Variants in PDS5A observed in about 807,000 individuals in gnomAD.
PDS5A encodes sister chromatid cohesion protein PDS5 homolog A.
In PDS5A, 42 loss-of-function variants were observed where a neutral mutation model predicts 167.1. That is an observed-to-expected ratio of 0.25 (90% CI 0.20 to 0.33). PDS5A has a LOEUF of 0.33. Ranked by LOEUF, PDS5A falls within the 10% of genes least tolerant of loss-of-function variation. PDS5A has a pLI of 1.00. For missense variants in PDS5A, 1,033 were observed against 1,605.9 expected (o/e 0.64, Z 6.10); for synonymous variants, 553 against 554.6 (o/e 1.00, Z 0.04).
At chr4:39,838,804 G>C (rs986449958) in intron 31 of PDS5A, among the ~76,000 whole-genome samples, 1 of 152,014 alleles carries the variant, frequency 6.6e-6, no homozygotes, top group Non-Finnish European at 1.5e-5. Flanking sequence ...TGGATCACCT[G>C]AGGTTGGGAG....
chr4:39,929,730 TGA>T (rs1442225874), intron 2 of PDS5A, among the ~76,000 whole-genome samples: 1 of 149,988 alleles, frequency 6.7e-6, no homozygotes, highest in Non-Finnish European at 1.5e-5. Flanking sequence ...TTTTTTATCA[TGA>T]GTGTAAAATT....
chr4:39,872,305 T>G (rs1211557773), intron 21 of PDS5A, among the ~76,000 whole-genome samples: 1 of 151,124 alleles, frequency 6.6e-6, no homozygotes, highest in African/African-American at 2.4e-5. Flanking sequence ...GCCTCCTGAG[T>G]AGCTAGGATT....
At chr4:39,842,299 C>T (rs1333143343) in intron 30 of PDS5A, among the ~76,000 whole-genome samples, 1 of 152,120 alleles carries the variant, frequency 6.6e-6, no homozygotes, top group African/African-American at 2.4e-5. Flanking sequence ...AAATGACTGC[C>T]TAAGACTACT....
rs1315864298 is a variant in PDS5A at position 39,977,087 on chromosome 4, G to A, written c.-41+370C>T. The stretch of plus-strand genomic sequence containing the variant: ...GGACCCACGCGCAGCGGCGGCTGCC[G>A]GGAACAAAACGCCCTTGCCCAGCCG... On this transcript the variant is annotated intron_variant, in intron 1 of 32. Transcript: ENST00000303538. The surrounding 1 kb of genome is among the most constrained non-coding windows in gnomAD (Gnocchi z 4.2). 2.6e-5 allele frequency among the ~76,000 whole-genome samples: 4 copies of A among 152,170 alleles called. No individual in the cohort carries two copies. The highest frequency in any genetic ancestry group is 7.2e-5 in the African/African-American group (3 of 41,456).
At chr4:39,877,237 A>T in intron 18 of PDS5A, 84 bp from the exon 19 acceptor site, 1 of 861,406 alleles carries the variant, frequency 1.2e-6, no homozygotes, top group Admixed American at 2.7e-5. Flanking sequence ...AAGAAAAAAA[A>T]AATTAAATTC....
intron 26 of PDS5A, among the ~76,000 whole-genome samples, chr4:39,852,242 T>C (rs1468155317): frequency 6.6e-6 from 1 of 152,194 alleles, no homozygotes; most frequent in African/African-American, 2.4e-5. Context: ...AATACATATA[T>C]GTATTATAAA....
chr4:39,953,436 T>C (rs923561241), intron 2 of PDS5A, among the ~76,000 whole-genome samples: 5 of 151,982 alleles, frequency 3.3e-5, no homozygotes, highest in African/African-American at 1.2e-4. Flanking sequence ...TTTTTTTTTT[T>C]TTCATTCCAA....
In PDS5A at chr4:39,917,166, A is replaced by G; in HGVS notation, c.758T>C (p.Leu253Pro). 1.3e-6 allele frequency: 2 copies of G among 1,560,908 alleles called. No individual in the cohort carries two copies. The highest frequency in any genetic ancestry group is 1.7e-6 in the Non-Finnish European group (2 of 1,160,650). The change falls in exon 8 of 33, where the codon CTG (leucine) becomes CCG (proline). Residue 253 changes from leucine to proline, a missense_variant. Physicochemically the swap from Leu to Pro is moderately conservative, Grantham distance 98 (BLOSUM62 -3). This residue lies in a region of PDS5A where 388 missense variants were observed against 615.1 expected (regional missense o/e 0.63). Coordinates refer to ENST00000303538, the MANE Select transcript of PDS5A (RefSeq NM_001100399.2). Reference sequence around the variant, plus strand: ...CAAATCACTTACTGATGATCTTCCCAGCACCAGGACTTGATTGAAAAACTG... The same window carrying G: ...CAAATCACTTACTGATGATCTTCCCGGCACCAGGACTTGATTGAAAAACTG... Reference protein sequence around the residue: ...IANFFNQVLVLGRSSVSDLSE... With the variant: ...IANFFNQVLVPGRSSVSDLSE...
At chr4:39,938,044 A>G (rs73229721) in intron 2 of PDS5A, among the ~76,000 whole-genome samples, 10,870 of 152,302 alleles carry the variant, frequency 0.071, 485 homozygotes, top group Non-Finnish European at 0.1. Context: ...CAGGTGGCTG[A>G]CTGTTCAAAC....
intron 17 of PDS5A, 29 bp from the exon 18 acceptor site, chr4:39,879,862 A>T (rs770233698): frequency 8.0e-7 from 1 of 1,246,304 alleles, no homozygotes; most frequent in Non-Finnish European, 1.2e-6. Context: ...ATAAATCAGT[A>T]ACCACTGTAG....
At chr4:39,927,535 G>C (rs1297231853) in intron 3 of PDS5A, among the ~76,000 whole-genome samples, 2 of 99,942 alleles carry the variant, frequency 2.0e-5, no homozygotes. Context: ...ACAAACACTT[G>C]AACAAAGGCA....
At chr4:39,914,159 T>A (rs567147758) in intron 8 of PDS5A, among the ~76,000 whole-genome samples, 45 of 129,484 alleles carry the variant, frequency 3.5e-4, no homozygotes, top group Admixed American at 8.3e-4. Flanking sequence ...GATATACAAA[T>A]TTGTTTTTTT....
intron 2 of PDS5A, among the ~76,000 whole-genome samples, chr4:39,931,270 T>C (rs1726035631): frequency 6.6e-6 from 1 of 152,178 alleles, no homozygotes; most frequent in Non-Finnish European, 1.5e-5. Flanking sequence ...TGTACTTTTT[T>C]TTTTTTGTAG....
At chr4:39,889,600 C>T (rs1023305033) in intron 17 of PDS5A, among the ~76,000 whole-genome samples, 2 of 152,222 alleles carry the variant, frequency 1.3e-5, no homozygotes, top group Non-Finnish European at 2.9e-5. Flanking sequence ...AAAAGCATTA[C>T]CAGACGTTTG....
chr4:39,890,763 C>T (rs541429551), intron 16 of PDS5A, among the ~76,000 whole-genome samples: 48 of 152,076 alleles, frequency 3.2e-4, no homozygotes, highest in South Asian at 1.2e-3. Context: ...ATTACAGGCA[C>T]GTGCCTCCAT....
chr4:39,917,644 G>A (rs560951207), intron 7 of PDS5A, among the ~76,000 whole-genome samples: 8 of 151,930 alleles, frequency 5.3e-5, no homozygotes, highest in East Asian at 1.9e-4. Context: ...GCGTGATCTC[G>A]GCTTACTGCA....
At chr4:39,832,677 C>G (rs1192299244) in intron 32 of PDS5A, among the ~76,000 whole-genome samples, 1 of 151,978 alleles carries the variant, frequency 6.6e-6, no homozygotes. Flanking sequence ...CTGGGCAATA[C>G]AGCAAGACCC....
intron 17 of PDS5A, among the ~76,000 whole-genome samples, chr4:39,883,424 G>A (rs991772544): frequency 5.9e-5 from 9 of 152,224 alleles, no homozygotes; most frequent in East Asian, 3.9e-4. Flanking sequence ...CAGGTGATCC[G>A]CCCACTTCGG....
chr4:39,955,588 G>A lies in PDS5A; in HGVS notation c.138+20852C>T, dbSNP rs146306342. 9.5e-4 allele frequency among the ~76,000 whole-genome samples: 144 copies of A among 152,032 alleles called. 1 individual carries two copies. Among genetic ancestry groups the A allele is most frequent in the African/African-American group, 3.4e-3 (139 of 41,484 alleles). ...TGTGCTCCAGCCCGGGTGACAGAGC[G>A]AGACTCTGTCATAAAAAAACAACAA... On this transcript the variant is annotated intron_variant, in intron 2 of 32. Transcript: ENST00000303538.
Sources: allele counts gnomAD v4.1 joint callset (sites outside exome capture counted in the v4.1 genomes callset), GRCh38; gene constraint gnomAD v4.1.1; regional missense constraint gnomAD v4.1.1; non-coding constraint Gnocchi (gnomAD v3.1); transcripts MANE v1.5; gene names NCBI Gene and HGNC (gene_info 2026-07-23, HGNC 2026-07-21).